TIMP2: variants seen among roughly 807,000 people sequenced by gnomAD.
TIMP2 encodes TIMP metallopeptidase inhibitor 2, also known as metalloproteinase inhibitor 2.
TIMP2 carries 5 observed loss-of-function variants against 24.3 expected under a neutral mutation model. The ratio of observed to expected loss-of-function variants is 0.21; its 90% CI spans 0.11 to 0.43. The LOEUF (loss-of-function observed/expected upper bound fraction) is 0.43, where lower values mean the gene tolerates loss of function less well. Ranked by LOEUF, TIMP2 falls within the 20% of genes least tolerant of loss-of-function variation. The pLI is 1.00. For missense variants in TIMP2, 221 were observed against 297.5 expected, an observed-to-expected ratio of 0.74 and a Z score of 1.89; for synonymous variants, 130 against 123.2, an observed-to-expected ratio of 1.06 and a Z score of -0.37.
At chr17:78,860,936 T>C (rs2069562512) in intron 3 of TIMP2, among the ~76,000 whole-genome samples, 1 of 150,306 alleles carries the variant, frequency 6.7e-6, no homozygotes, top group Non-Finnish European at 1.5e-5. Flanking sequence ...CTCAGGAGGC[T>C]GAGGCAGGAG....
At chr17:78,869,427 AAC>A (rs1338763591) in intron 3 of TIMP2, among the ~76,000 whole-genome samples, 12 of 151,876 alleles carry the variant, frequency 7.9e-5, no homozygotes, top group Non-Finnish European at 1.3e-4. Context: ...AAAAAAAAAA[AAC>A]AAACCAAAAA....
intron 4 of TIMP2, chr17:78,856,146 C>T (rs1599143053): frequency 4.2e-6 from 2 of 479,020 alleles, no homozygotes; most frequent in East Asian, 7.7e-5. Context: ...ACAGAATGGC[C>T]TCAGCTTGGC....
At chr17:78,923,125 G>A (rs72851286) in intron 1 of TIMP2, among the ~76,000 whole-genome samples, 4,147 of 152,200 alleles carry the variant, frequency 0.027, 86 homozygotes, top group Non-Finnish European at 0.045. Context: ...CCTCTGAGCC[G>A]GGATGGGGTG....
Position 78,865,055 on chromosome 17 carries a change from TAAATA to T in TIMP2, c.340+5838_340+5842del, listed in dbSNP as rs912566482. 1.2e-3 allele frequency among the ~76,000 whole-genome samples: 189 copies of T among 151,816 alleles called. 5 individuals are homozygous for T. Among genetic ancestry groups the T allele is most frequent in the Admixed American group, 9.6e-3 (147 of 15,234 alleles). On this transcript the variant is annotated intron_variant, in intron 3 of 4. Transcript: ENST00000262768. The stretch of plus-strand genomic sequence containing the variant: ...GGCTTTGTTGCCTCCGTCTCATAAA[TAAATA>T]AAATAAAATAAAATCTGACCCATGC...
chr17:78,909,477 C>T (rs976209791), intron 1 of TIMP2, among the ~76,000 whole-genome samples: 2 of 151,132 alleles, frequency 1.3e-5, no homozygotes, highest in Admixed American at 6.6e-5. Flanking sequence ...GAATGACCCC[C>T]CCACCCAGTC....
chr17:78,859,524 G>C (rs999113154), intron 3 of TIMP2, among the ~76,000 whole-genome samples: 2 of 152,038 alleles, frequency 1.3e-5, no homozygotes, highest in Admixed American at 1.3e-4. Context: ...ATAGCCAGGC[G>C]TGGTGATGCA....
intron 1 of TIMP2, among the ~76,000 whole-genome samples, chr17:78,908,229 A>G (rs1191942396): frequency 1.3e-5 from 2 of 152,178 alleles, no homozygotes; most frequent in Non-Finnish European, 2.9e-5. Context: ...TACTGTATAT[A>G]TAGGTGTTTC....
chr17:78,862,092 T>G (rs2069571744), intron 3 of TIMP2, among the ~76,000 whole-genome samples: 1 of 152,212 alleles, frequency 6.6e-6, no homozygotes, highest in African/African-American at 2.4e-5. Context: ...GTATGTTTAT[T>G]TTTCCTTTTG....
chr17:78,883,048 T>C (rs1292578664), intron 1 of TIMP2, among the ~76,000 whole-genome samples: 1 of 152,132 alleles, frequency 6.6e-6, no homozygotes, highest in Non-Finnish European at 1.5e-5. Flanking sequence ...ACTTGGTAAT[T>C]AAAAACAGCC....
intron 1 of TIMP2, among the ~76,000 whole-genome samples, chr17:78,919,426 C>T (rs1302554106): frequency 1.3e-5 from 2 of 152,224 alleles, no homozygotes; most frequent in East Asian, 1.9e-4. Flanking sequence ...CACCTGTGCA[C>T]ACCCCACCCT....
intron 1 of TIMP2, among the ~76,000 whole-genome samples, chr17:78,913,730 A>C (rs1464391594): frequency 6.6e-6 from 1 of 151,762 alleles, no homozygotes; most frequent in East Asian, 1.9e-4. Context: ...ACAACAAAAA[A>C]AAACAAAAAA....
intron 1 of TIMP2, among the ~76,000 whole-genome samples, chr17:78,878,390 C>T (rs558663969): frequency 3.9e-5 from 6 of 152,292 alleles, no homozygotes; most frequent in East Asian, 1.9e-4. Context: ...GTGGAGGCTG[C>T]GGTGCCCGGG....
In TIMP2 at chr17:78,924,780, G is replaced by C. The variant is rs1210928199; in HGVS notation, c.130+179C>G. On this transcript the variant is annotated intron_variant, in intron 1 of 4. Coordinates refer to ENST00000262768, the MANE Select transcript of TIMP2 (RefSeq NM_003255.5). The surrounding 1 kb of genome is among the most constrained non-coding windows in gnomAD (Gnocchi z 5.3). Reference sequence around the variant, plus strand: ...GAGAGGGAAAGAAAGGGAGAGGAGGGAGGGGGGAAAGAAAGTCGGCTCTGG... The same window carrying C: ...GAGAGGGAAAGAAAGGGAGAGGAGGCAGGGGGGAAAGAAAGTCGGCTCTGG... Among the ~76,000 whole-genome samples, 1 of 152,054 alleles carries C rather than the reference G, an allele frequency of 6.6e-6. No homozygotes were observed. Among genetic ancestry groups the C allele is most frequent in the African/African-American group, 2.4e-5 (1 of 41,428 alleles).
chr17:78,918,149 C>T (rs2070279776), intron 1 of TIMP2, among the ~76,000 whole-genome samples: 4 of 151,984 alleles, frequency 2.6e-5, no homozygotes. Context: ...ACCCGCCAGG[C>T]CTATCTCTGG....
chr17:78,903,397 C>T (rs75231587), intron 1 of TIMP2: 13,248 of 152,350 alleles, frequency 0.087, 635 homozygotes, highest in Middle Eastern at 0.12. Flanking sequence ...TGAACAAGGA[C>T]AGTGCAATGT....
intron 1 of TIMP2, among the ~76,000 whole-genome samples, chr17:78,895,442 A>G (rs1173784877): frequency 6.6e-6 from 1 of 152,006 alleles, no homozygotes; most frequent in Non-Finnish European, 1.5e-5. Context: ...CCTCACATCC[A>G]CTCCAACGGC....
Position 78,891,642 on chromosome 17 carries a change from A to G in TIMP2, c.131-17723T>C. The G allele has an allele frequency of 1.3e-6, 2 of 1,550,938 alleles. No homozygotes were observed. Among genetic ancestry groups the G allele is most frequent in the Non-Finnish European group, 1.7e-6 (2 of 1,147,104 alleles). ...GAGCGACTGGTCAGGGCTGGAACAA[A>G]GCAAACTGCCCCCTTTCCCAGTTGC... is the stretch of plus-strand genomic sequence containing the variant. On this transcript the variant is annotated intron_variant, in intron 1 of 4. Coordinates refer to ENST00000262768, the MANE Select transcript of TIMP2 (RefSeq NM_003255.5). The surrounding 1 kb of genome is among the most constrained non-coding windows in gnomAD (Gnocchi z 4.5).
At position 78,857,574 on chromosome 17, in the gene TIMP2, G is replaced by A. The variant is rs774255476; in HGVS notation, c.413C>T (p.Thr138Ile). ...DFIVPWDTLSTTQKKSLNHRY... is the reference protein window; with the variant it reads ...DFIVPWDTLSITQKKSLNHRY... Reference sequence around the variant, plus strand: ...GTGGTTCAGGCTCTTCTTCTGGGTGGTGCTCAGGGTGTCCCAGGGCACGAT... The same window carrying A: ...GTGGTTCAGGCTCTTCTTCTGGGTGATGCTCAGGGTGTCCCAGGGCACGAT... Residue 138 changes from threonine to isoleucine, a missense_variant, in exon 4 of 5, where the codon ACC becomes ATC. Coordinates refer to ENST00000262768, the MANE Select transcript of TIMP2 (RefSeq NM_003255.5). The A allele has an allele frequency of 7.4e-6, 12 of 1,614,076 alleles. No homozygotes were observed. Among genetic ancestry groups the A allele is most frequent in the Non-Finnish European group, 1.0e-5 (12 of 1,180,050 alleles).
chr17:78,903,585 C>T (rs1389075553), intron 1 of TIMP2, among the ~76,000 whole-genome samples: 3 of 152,170 alleles, frequency 2.0e-5, no homozygotes, highest in Non-Finnish European at 4.4e-5. Flanking sequence ...CATCTGTTCA[C>T]GCTTCTAAAC....
Sources: allele counts gnomAD v4.1 joint callset (sites outside exome capture counted in the v4.1 genomes callset), GRCh38; gene constraint gnomAD v4.1.1; non-coding constraint Gnocchi (gnomAD v3.1); transcripts MANE v1.5; gene names NCBI Gene and HGNC (gene_info 2026-07-23, HGNC 2026-07-21).